PCBP3: variants seen among roughly 807,000 people sequenced by gnomAD.
PCBP3 encodes the protein poly(rC)-binding protein 3.
In PCBP3, 25 loss-of-function variants were observed where a neutral mutation model predicts 52.7. That is an observed-to-expected ratio of 0.47 (90% CI 0.35 to 0.66). The LOEUF is 0.66. Among genes scored for constraint, PCBP3 ranks in the 30% least tolerant of loss-of-function variants. The pLI, the probability that PCBP3 is intolerant of heterozygous loss-of-function variation, is 0.01. For missense variants in PCBP3, 391 were observed against 490.3 expected (o/e 0.80, Z 1.91); for synonymous variants, 162 against 183.0 (o/e 0.89, Z 0.93).
intron 5 of PCBP3, among the ~76,000 whole-genome samples, chr21:45,864,765 A>G (rs2094645556): frequency 6.6e-6 from 1 of 152,224 alleles, no homozygotes; most frequent in African/African-American, 2.4e-5. Context: ...TCAGAGATAA[A>G]TATTTTAAAT....
intron 5 of PCBP3, among the ~76,000 whole-genome samples, chr21:45,850,953 A>C (rs1252263296): frequency 6.6e-6 from 1 of 152,264 alleles, no homozygotes. Context: ...AAAGAAATAA[A>C]AGAACTTTAG....
chr21:45,888,840 G>A (rs912765904), intron 5 of PCBP3, among the ~76,000 whole-genome samples: 1 of 152,148 alleles, frequency 6.6e-6, no homozygotes, highest in African/African-American at 2.4e-5. Flanking sequence ...AACACACGTG[G>A]ACAGTATCTA....
At chr21:45,814,652 AGTGAGTG>A (rs2092795990) in intron 4 of PCBP3, among the ~76,000 whole-genome samples, 1 of 62,374 alleles carries the variant, frequency 1.6e-5, no homozygotes, top group Non-Finnish European at 3.1e-5. Flanking sequence ...GTGAGTGGTG[AGTGAGTG>A]GTGAGTGATG....
intron 2 of PCBP3, among the ~76,000 whole-genome samples, chr21:45,728,285 T>A (rs957387769): frequency 6.6e-6 from 1 of 152,230 alleles, no homozygotes; most frequent in South Asian, 2.1e-4. Flanking sequence ...TTGCTGAGGA[T>A]TTTTATCATG....
intron 4 of PCBP3, among the ~76,000 whole-genome samples, chr21:45,783,751 A>G (rs1458928302): frequency 6.6e-6 from 1 of 152,198 alleles, no homozygotes; most frequent in Admixed American, 6.5e-5. Flanking sequence ...ATTTAAGAAC[A>G]TAGTTCAGTG....
intron 4 of PCBP3, among the ~76,000 whole-genome samples, chr21:45,766,427 G>A (rs376209994): frequency 2.6e-5 from 4 of 152,300 alleles, no homozygotes; most frequent in East Asian, 1.9e-4. Context: ...GAAGGGATGC[G>A]AGAGCTGTCT....
chr21:45,656,202 A>G lies in PCBP3; in HGVS notation c.-279+12334A>G, dbSNP rs904517662. 2.0e-5 allele frequency among the ~76,000 whole-genome samples: 3 copies of G among 152,226 alleles called. No homozygotes were observed. Among genetic ancestry groups the G allele is most frequent in the Admixed American group, 6.5e-5 (1 of 15,276 alleles). On this transcript the variant is annotated intron_variant, in intron 1 of 17. Coordinates refer to ENST00000681687, the MANE Select transcript of PCBP3 (RefSeq NM_001384156.1). This position sits in a 1 kb window ranked among gnomAD's most constrained non-coding sequence, Gnocchi z 4.3. ...TAAATACACATGCATGCATATGTTT[A>G]TTGCAGCATTGTTCACGATAGCAAA...
intron 4 of PCBP3, among the ~76,000 whole-genome samples, chr21:45,798,164 T>C (rs957124074): frequency 6.7e-6 from 1 of 149,388 alleles, no homozygotes; most frequent in Non-Finnish European, 1.5e-5. Context: ...GACGAATGCA[T>C]GGATCCATAG....
At chr21:45,739,262 G>T (rs1284040509) in intron 3 of PCBP3, among the ~76,000 whole-genome samples, 2 of 83,266 alleles carry the variant, frequency 2.4e-5, no homozygotes, top group Non-Finnish European at 4.6e-5. Context: ...TCCTGTCCAT[G>T]GCCCCCTGGA....
intron 5 of PCBP3, among the ~76,000 whole-genome samples, chr21:45,870,703 ACCG>A (rs1202640609): frequency 2.0e-5 from 3 of 152,176 alleles, no homozygotes; most frequent in South Asian, 4.1e-4. Context: ...GCCACTGCCC[ACCG>A]CCTGCCACGC....
At chr21:45,810,735 G>A (rs2092664088) in intron 4 of PCBP3, among the ~76,000 whole-genome samples, 1 of 152,204 alleles carries the variant, frequency 6.6e-6, no homozygotes. Flanking sequence ...GAAAGGGTTT[G>A]TGTAAGATTG....
At position 45,802,080 on chromosome 21, in the gene PCBP3, C is replaced by T. The variant is rs2092326273; in HGVS notation, c.-126+46628C>T. Among the ~76,000 whole-genome samples, 2 of 152,224 alleles carry T rather than the reference C, an allele frequency of 1.3e-5. No individual in the cohort carries two copies. The highest frequency in any genetic ancestry group is 6.5e-5 in the Admixed American group (1 of 15,284). ...TCATGATTCAGCAGTGACTTCTGGG[C>T]TGGGTGGTTAGCGGGGCTCCCTCCT... On this transcript the variant is annotated intron_variant, in intron 4 of 17. Coordinates refer to ENST00000681687, the MANE Select transcript of PCBP3 (RefSeq NM_001384156.1). This position sits in a 1 kb window ranked among gnomAD's most constrained non-coding sequence, Gnocchi z 5.1.
At chr21:45,809,841 G>C (rs1001887261) in intron 4 of PCBP3, among the ~76,000 whole-genome samples, 4 of 152,196 alleles carry the variant, frequency 2.6e-5, no homozygotes, top group Non-Finnish European at 5.9e-5. Context: ...TACAAGCCTT[G>C]CATACACACA....
intron 1 of PCBP3, among the ~76,000 whole-genome samples, chr21:45,657,381 G>A (rs1034240304): frequency 6.6e-6 from 1 of 152,166 alleles, no homozygotes; most frequent in Non-Finnish European, 1.5e-5. Context: ...GCCTGTGGCT[G>A]TCTAGTCCTA....
Position 45,643,791 on chromosome 21 carries a change from C to G in PCBP3, c.-356C>G, listed in dbSNP as rs2079071244. On this transcript the variant is annotated 5_prime_UTR_variant, in exon 1 of 18. Coordinates refer to ENST00000681687, the MANE Select transcript of PCBP3 (RefSeq NM_001384156.1). ...CTTAGGCTCCGCCGCCGCCTCCTCA[C>G]CCGCCTCGCCCCGACCCCGCCCGGG... 1 of 148,752 alleles carries G rather than the reference C, an allele frequency of 6.7e-6. No individual in the cohort carries two copies. Among genetic ancestry groups the G allele is most frequent in the Admixed American group, 6.7e-5 (1 of 14,988 alleles). The allele number at this position is 148,752 out of a possible 1,614,324, so 9.2% of individuals were successfully genotyped here. A position where few individuals can be genotyped will look rare whatever the true frequency, so the allele number is the denominator to read the frequency against.
At chr21:45,760,397 A>G (rs1402116570) in intron 4 of PCBP3, 6 of 152,232 alleles carry the variant, frequency 3.9e-5, no homozygotes, top group African/African-American at 1.2e-4. Flanking sequence ...TCTTCTATGG[A>G]AAGTCCGAGC....
At chr21:45,930,368 C>T (rs969368785) in intron 14 of PCBP3, among the ~76,000 whole-genome samples, 3 of 152,200 alleles carry the variant, frequency 2.0e-5, no homozygotes, top group Admixed American at 1.3e-4. Context: ...GCTTTTCTCT[C>T]CAGGAGCAAG....
rs117451206 is a variant in PCBP3, at chr21:45,790,935, C to A, written c.-126+35483C>A. On this transcript the variant is annotated intron_variant, in intron 4 of 17. Coordinates refer to ENST00000681687, the MANE Select transcript of PCBP3 (RefSeq NM_001384156.1). ...AAAGAGAGTAGTAGGGGGAAGGAAGCCAGTTTTGAGAGTGGAAGAAACAGT... is the reference window on the plus strand; with the variant it reads ...AAAGAGAGTAGTAGGGGGAAGGAAGACAGTTTTGAGAGTGGAAGAAACAGT... Among the ~76,000 whole-genome samples the A allele has an allele frequency of 2.2e-4, 33 of 152,162 alleles. No homozygotes were observed. The East Asian group carries it at 5.8e-3, about 27-fold the overall frequency.
At chr21:45,939,952 C>T in intron 16 of PCBP3, 78 bp from the exon 17 acceptor site, 2 of 1,365,110 alleles carry the variant, frequency 1.5e-6, no homozygotes, top group Non-Finnish European at 1.0e-6. Context: ...CCCACCGGCC[C>T]CCTCGGGCGC....
Sources: allele counts gnomAD v4.1 joint callset (sites outside exome capture counted in the v4.1 genomes callset), GRCh38; gene constraint gnomAD v4.1.1; non-coding constraint Gnocchi (gnomAD v3.1); transcripts MANE v1.5; gene names NCBI Gene and HGNC (gene_info 2026-07-23, HGNC 2026-07-21).